MCOLN1: variants seen among roughly 807,000 people sequenced by gnomAD.
MCOLN1 encodes the protein mucolipin TRP cation channel 1.
In MCOLN1, 50 loss-of-function variants were observed where a neutral mutation model predicts 70.3. That is an observed-to-expected ratio of 0.71 (90% CI 0.57 to 0.90). The LOEUF (loss-of-function observed/expected upper bound fraction) is 0.90, where lower values mean the gene tolerates loss of function less well. Among genes scored for constraint, MCOLN1 ranks in the 40% least tolerant of loss-of-function variants. The probability of loss-of-function intolerance (pLI) is 0.00; values close to 1 mark genes in which losing one functional copy is unlikely to be tolerated. For synonymous variants in MCOLN1, 366 were observed against 341.0 expected (o/e 1.07, Z -0.81); for missense variants, 598 against 803.5 (o/e 0.74, Z 3.09).
chr19:7,530,077 C>T (rs1453550392), intron 11 of MCOLN1, among the ~76,000 whole-genome samples: 1 of 151,646 alleles, frequency 6.6e-6, no homozygotes, highest in Non-Finnish European at 1.5e-5. Context: ...CGGCCATTCA[C>T]GTGGGACCCC....
Position 7,522,726 on chromosome 19 carries a change from C to T in MCOLN1, c.-25C>T, listed in dbSNP as rs1227327413. ...ACCCAGGCTGCCCCGCCGTACCCGC[C>T]TGCGTCCCGCGCTCCCGCCCCAGCA... On this transcript the variant is annotated 5_prime_UTR_variant, in exon 1 of 14. Transcript: ENST00000264079. The T allele has an allele frequency of 6.9e-7, 1 of 1,453,980 alleles. No individual in the cohort carries two copies. The highest frequency in any genetic ancestry group is 2.4e-5 in the Admixed American group (1 of 40,824). The allele number at this position is 1,453,980 out of a possible 1,614,324, so 90.1% of individuals were successfully genotyped here.
At chr19:7,533,053 C>G in intron 12 of MCOLN1, among the ~76,000 whole-genome samples, 1 of 152,352 alleles carries the variant, frequency 6.6e-6, no homozygotes, top group East Asian at 1.9e-4. Flanking sequence ...TGGGTACACC[C>G]CCTTTTCCCC....
At chr19:7,527,440 A>G in intron 4 of MCOLN1, 80 bp from the exon 5 acceptor site, 1 of 780,468 alleles carries the variant, frequency 1.3e-6, no homozygotes, top group Non-Finnish European at 2.4e-6. Flanking sequence ...AGCACAGGGA[A>G]GAAGGCCACT....
Position 7,526,628 on chromosome 19 carries a change from C to G in MCOLN1, c.405+22C>G. On this transcript the variant is annotated intron_variant, in intron 3 of 13. Coordinates refer to ENST00000264079, the MANE Select transcript of MCOLN1 (RefSeq NM_020533.3). The surrounding 1 kb of genome is among the most constrained non-coding windows in gnomAD (Gnocchi z 4.6). ...CCAGGTGCTGGTGGGCGGGCAGGTG[C>G]TGGTGGGCAGGCAGGTGCAGGTGGG... The G allele has an allele frequency of 1.3e-6, 2 of 1,580,846 alleles. No homozygotes were observed. The highest frequency in any genetic ancestry group is 2.2e-5 in the South Asian group (2 of 90,378).
At chr19:7,527,386 G>T in intron 4 of MCOLN1, 134 bp from the exon 5 acceptor site, 1 of 713,628 alleles carries the variant, frequency 1.4e-6, no homozygotes, top group South Asian at 1.5e-5. Context: ...ACATCCGCAG[G>T]CCCAGAGAGT....
chr19:7,528,476 C>T lies in MCOLN1; in HGVS notation c.878-121C>T, dbSNP rs2022604629. 2.3e-6 allele frequency: 3 copies of T among 1,314,598 alleles called. 1 individual carries two copies. In the South Asian group the frequency reaches 3.9e-5, roughly 17 times the overall value. 81.4% of individuals were successfully genotyped at this position (1,314,598 alleles called of 1,614,324 possible). Reference sequence around the variant, plus strand: ...TGACTCACCCCAAGCAAGCCCTGAGCCCACTGACCAACCAAAACCAGCCGT... The same window carrying T: ...TGACTCACCCCAAGCAAGCCCTGAGTCCACTGACCAACCAAAACCAGCCGT... On this transcript the variant is annotated intron_variant, in intron 7 of 13. Transcript: ENST00000264079. This position sits in a 1 kb window ranked among gnomAD's most constrained non-coding sequence, Gnocchi z 4.2.
At chr19:7,533,451 G>A in intron 12 of MCOLN1, 72 bp from the exon 13 acceptor site, 2 of 1,591,844 alleles carry the variant, frequency 1.3e-6, no homozygotes, top group Admixed American at 3.4e-5. Flanking sequence ...TGGCTGGAGG[G>A]GAGGGCGGAC....
intron 11 of MCOLN1, 22 bp downstream of exon 11, chr19:7,529,734 C>T: frequency 4.3e-6 from 7 of 1,613,766 alleles, no homozygotes; most frequent in Non-Finnish European, 5.9e-6. Flanking sequence ...CCCTGATGTC[C>T]CTGACATTGA....
rs763412543 is a variant in MCOLN1 at position 7,524,751 on chromosome 19, C to G, written c.32-210C>G. Among the ~76,000 whole-genome samples the G allele has an allele frequency of 3.3e-5, 5 of 152,142 alleles. No homozygotes were observed. Among genetic ancestry groups the G allele is most frequent in the Non-Finnish European group, 7.4e-5 (5 of 68,026 alleles). ...GGAATCAGCCCAGGCCCTGTACCTC[C>G]CAAACCCAAACTCATAACCTCTGAG... On this transcript the variant is annotated intron_variant, in intron 1 of 13. Coordinates refer to ENST00000264079, the MANE Select transcript of MCOLN1 (RefSeq NM_020533.3). This position sits in a 1 kb window ranked among gnomAD's most constrained non-coding sequence, Gnocchi z 4.1.
rs1028645904 is a variant in MCOLN1, at chr19:7,533,632, G to T, written c.1685G>T (p.Ser562Ile). The change falls in exon 13 of 14, where the codon AGC becomes ATC. Residue 562 changes from serine (S) to isoleucine (I), a missense_variant. Coordinates refer to ENST00000264079, the MANE Select transcript of MCOLN1 (RefSeq NM_020533.3). ...KFRRGSGSAC[S>I]LLCCCGRDPS... Reference sequence around the variant, plus strand: ...CGCCGCGGGAGCGGCTCGGCCTGCAGCCTTCTCTGCTGCTGCGGAAGGTTC... The same window carrying T: ...CGCCGCGGGAGCGGCTCGGCCTGCATCCTTCTCTGCTGCTGCGGAAGGTTC... The T allele has an allele frequency of 6.2e-7, 1 of 1,612,586 alleles. No individual in the cohort carries two copies. The highest frequency in any genetic ancestry group is 1.3e-5 in the African/African-American group (1 of 74,942).
Position 7,533,856 on chromosome 19 carries a change from C to A in MCOLN1, c.*61C>A. 1 of 1,587,830 alleles carries A rather than the reference C, an allele frequency of 6.3e-7. No individual in the cohort carries two copies. Among genetic ancestry groups the A allele is most frequent in the Non-Finnish European group, 8.6e-7 (1 of 1,157,738 alleles). On this transcript the variant is annotated 3_prime_UTR_variant, in exon 14 of 14. Transcript: ENST00000264079. ...CTGCAGAGACCCCCGCCCCCGACCC[C>A]GCTTATTTATTTGTAGGGTTTGCTT...
At position 7,524,910 on chromosome 19, in the gene MCOLN1, A is replaced by G. The variant is rs1230852202; in HGVS notation, c.32-51A>G. The stretch of plus-strand genomic sequence containing the variant: ...CTGCCTTCCTGGTTGGAGAAAGGGG[A>G]AAAGGGGAGTTGCCCAGGCCTCACC... On this transcript the variant is annotated intron_variant, in intron 1 of 13. Coordinates refer to ENST00000264079, the MANE Select transcript of MCOLN1 (RefSeq NM_020533.3). The surrounding 1 kb of genome is among the most constrained non-coding windows in gnomAD (Gnocchi z 4.1). The G allele has an allele frequency of 6.8e-7, 1 of 1,475,170 alleles. No individual in the cohort carries two copies. Among genetic ancestry groups the G allele is most frequent in the African/African-American group, 1.4e-5 (1 of 71,864 alleles). 91.4% of individuals were successfully genotyped at this position (1,475,170 alleles called of 1,614,324 possible). A position where few individuals can be genotyped will look rare whatever the true frequency, so the allele number is the denominator to read the frequency against.
At position 7,526,502 on chromosome 19, in the gene MCOLN1, T is replaced by G; in HGVS notation, c.301T>G (p.Phe101Val). ...VTFREENTIA[F>V]RHLFLLGYSD... is the part of the protein sequence containing the mutation. ...ATTCCGGGAAGAGAACACCATCGCC[T>G]TCCGACACCTCTTCCTGCTGGGCTA... is the stretch of plus-strand genomic sequence containing the variant. Residue 101 changes from phenylalanine to valine, a missense_variant, in exon 3 of 14, where the codon TTC becomes GTC. Coordinates refer to ENST00000264079, the MANE Select transcript of MCOLN1 (RefSeq NM_020533.3). This position sits in a 1 kb window ranked among gnomAD's most constrained non-coding sequence, Gnocchi z 4.6. 1 of 1,614,240 alleles carries G rather than the reference T, an allele frequency of 6.2e-7. No homozygotes were observed. Among genetic ancestry groups the G allele is most frequent in the Non-Finnish European group, 8.5e-7 (1 of 1,180,034 alleles).
chr19:7,531,562 C>A (rs1267448526), intron 12 of MCOLN1, among the ~76,000 whole-genome samples: 1 of 152,166 alleles, frequency 6.6e-6, no homozygotes, highest in Admixed American at 6.5e-5. Flanking sequence ...ACATGGTGAT[C>A]CTCAGCTGGC....
rs745346586 is a variant in MCOLN1, at chr19:7,525,001, C to T, written c.72C>T (p.Thr24=). The T allele has an allele frequency of 6.2e-7, 1 of 1,613,718 alleles. No individual in the cohort carries two copies. The highest frequency in any genetic ancestry group is 8.5e-7 in the Non-Finnish European group (1 of 1,179,966). ...TGACCCCCAACCCCGGGTATGGGAC[C>T]CAGGCGGGGCCTTCACCGGCCCCTC... The part of the protein sequence containing the change: ...RLLTPNPGYG[T]QAGPSPAPPT... The change falls in exon 2 of 14, where the codon ACC becomes ACT. Residue 24 remains threonine (T), a synonymous_variant. Coordinates refer to ENST00000264079, the MANE Select transcript of MCOLN1 (RefSeq NM_020533.3). The surrounding 1 kb of genome is among the most constrained non-coding windows in gnomAD (Gnocchi z 4.2).
Position 7,528,995 on chromosome 19 carries a change from C to T in MCOLN1, c.1134+25C>T. On this transcript the variant is annotated intron_variant, in intron 9 of 13. Transcript: ENST00000264079. The surrounding 1 kb of genome is among the most constrained non-coding windows in gnomAD (Gnocchi z 4.2). Reference sequence around the variant, plus strand: ...GGTGCGTCCTGCCAACACCCTGGGCCCCAGGTCCCATCCCTGCTGTCAGTG... The same window carrying T: ...GGTGCGTCCTGCCAACACCCTGGGCTCCAGGTCCCATCCCTGCTGTCAGTG... 1 of 1,614,038 alleles carries T rather than the reference C, an allele frequency of 6.2e-7. No homozygotes were observed. The highest frequency in any genetic ancestry group is 1.6e-4 in the Middle Eastern group (1 of 6,062).
Position 7,525,083 on chromosome 19 carries a change from C to G in MCOLN1, c.154C>G (p.Pro52Ala), listed in dbSNP as rs764263944. 2.5e-6 allele frequency: 4 copies of G among 1,614,176 alleles called. No homozygotes were observed. In the Admixed American group the frequency reaches 6.7e-5, roughly 27 times the overall value. The change falls in exon 2 of 14, where the codon CCC (proline) becomes GCC (alanine). Residue 52 changes from proline (P) to alanine (A), a missense_variant. Transcript: ENST00000264079. This position sits in a 1 kb window ranked among gnomAD's most constrained non-coding sequence, Gnocchi z 4.2. Reference protein sequence around the residue: ...RRRLKYFFMSPCDKFRAKGRK... With the variant: ...RRRLKYFFMSACDKFRAKGRK... The stretch of plus-strand genomic sequence containing the variant: ...TCGTCTCAAATACTTTTTCATGAGT[C>G]CCTGCGACAAGTTTCGAGCCAAGGG...
chr19:7,526,650 T>C lies in MCOLN1; in HGVS notation c.405+44T>C. On this transcript the variant is annotated intron_variant, in intron 3 of 13. Coordinates refer to ENST00000264079, the MANE Select transcript of MCOLN1 (RefSeq NM_020533.3). The surrounding 1 kb of genome is among the most constrained non-coding windows in gnomAD (Gnocchi z 4.6). ...GTGCTGGTGGGCAGGCAGGTGCAGG[T>C]GGGCGGGCAGGTGCAGTTGGGCGGG... is the stretch of plus-strand genomic sequence containing the variant. 2 of 1,419,588 alleles carry C rather than the reference T, an allele frequency of 1.4e-6. No homozygotes were observed. The highest frequency in any genetic ancestry group is 1.9e-6 in the Non-Finnish European group (2 of 1,072,932). 87.9% of individuals were successfully genotyped at this position (1,419,588 alleles called of 1,614,324 possible).
intron 5 of MCOLN1, 25 bp downstream of exon 5, chr19:7,527,653 G>T (rs1157344112): frequency 6.6e-7 from 1 of 1,522,458 alleles, no homozygotes; most frequent in Admixed American, 1.7e-5. Flanking sequence ...CTCGAGGGGG[G>T]CCCAGGGTGG....
Sources: allele counts gnomAD v4.1 joint callset (sites outside exome capture counted in the v4.1 genomes callset), GRCh38; gene constraint gnomAD v4.1.1; non-coding constraint Gnocchi (gnomAD v3.1); transcripts MANE v1.5; gene names NCBI Gene and HGNC (gene_info 2026-07-23, HGNC 2026-07-21).